The following ABHD12B variants were observed in gnomAD, a reference collection of about 807,000 sequenced individuals.
ABHD12B encodes the protein protein ABHD12B.
Under a neutral mutation model 50.4 loss-of-function variants are expected in ABHD12B, and 42 were observed. That is an observed-to-expected ratio of 0.83 (90% CI 0.65 to 1.08). The LOEUF is 1.08. Among genes scored for constraint, ABHD12B ranks in the 50% least tolerant of loss-of-function variants. The pLI is 0.00. For missense variants in ABHD12B, 479 were observed against 447.7 expected (o/e 1.07, Z -0.63); for synonymous variants, 167 against 160.3 (o/e 1.04, Z -0.32).
At chr14:50,884,702 C>CTTTTTTT (rs35439744) in intron 5 of ABHD12B, among the ~76,000 whole-genome samples, 1 of 126,594 alleles carries the variant, frequency 7.9e-6, no homozygotes, top group African/African-American at 3.0e-5. Flanking sequence ...TGTATTTCTT[C>CTTTTTTT]TTTTTTTTTT....
chr14:50,875,398 C>T (rs2049847591), intron 1 of ABHD12B, among the ~76,000 whole-genome samples: 1 of 152,194 alleles, frequency 6.6e-6, no homozygotes. Context: ...TTTGGGCTTC[C>T]CAAAGTTGGT....
At chr14:50,883,360 C>T (rs79650644) in intron 5 of ABHD12B, among the ~76,000 whole-genome samples, 2 of 152,186 alleles carry the variant, frequency 1.3e-5, no homozygotes, top group African/African-American at 2.4e-5. Context: ...TCTTCATCCT[C>T]TCTTCCCTGT....
intron 9 of ABHD12B, among the ~76,000 whole-genome samples, chr14:50,898,389 T>C (rs765925583): frequency 6.6e-5 from 10 of 152,344 alleles, no homozygotes; most frequent in South Asian, 2.1e-4. Flanking sequence ...GCTTGCTGTC[T>C]AGTTGTTGTT....
rs922288021 is a variant in ABHD12B, at chr14:50,872,283, G to A, written c.104+5G>A. On this transcript the variant is annotated splice_donor_5th_base_variant and intron_variant, in intron 1 of 12. Coordinates refer to ENST00000337334, the MANE Select transcript of ABHD12B (RefSeq NM_001206673.2). ...CATGGTCGACCGCAACCTGCGGTGA[G>A]TACCGCCCGGTCCACCCCTGGCCGG... is the stretch of plus-strand genomic sequence containing the variant. 7.6e-6 allele frequency: 10 copies of A among 1,319,030 alleles called. No individual in the cohort carries two copies. The highest frequency in any genetic ancestry group is 9.7e-6 in the Non-Finnish European group (10 of 1,031,732). 81.7% of individuals were successfully genotyped at this position (1,319,030 alleles called of 1,614,324 possible).
chr14:50,877,553 G>A (rs143811364), intron 1 of ABHD12B, among the ~76,000 whole-genome samples: 5 of 152,252 alleles, frequency 3.3e-5, no homozygotes, highest in African/African-American at 1.2e-4. Context: ...GGCCTGCCGT[G>A]TAGATAATTC....
At chr14:50,898,524 G>C (rs754911901) in intron 9 of ABHD12B, among the ~76,000 whole-genome samples, 6 of 152,204 alleles carry the variant, frequency 3.9e-5, no homozygotes, top group Non-Finnish European at 7.3e-5. Flanking sequence ...AATTAGGAGA[G>C]CCCATTGCCA....
At chr14:50,884,884 T>C (rs972206831) in intron 5 of ABHD12B, among the ~76,000 whole-genome samples, 5 of 152,118 alleles carry the variant, frequency 3.3e-5, no homozygotes, top group Admixed American at 1.3e-4. Flanking sequence ...CCAACAATCA[T>C]TGTATTTCAT....
At chr14:50,894,930 C>A (rs2142760805) in intron 9 of ABHD12B, among the ~76,000 whole-genome samples, 1 of 149,344 alleles carries the variant, frequency 6.7e-6, no homozygotes, top group South Asian at 2.1e-4. Context: ...ATCGCCTCCC[C>A]TCCTCACACC....
At chr14:50,903,535 A>C in intron 11 of ABHD12B, 68 bp downstream of exon 11, 2 of 1,362,930 alleles carry the variant, frequency 1.5e-6, no homozygotes, top group Non-Finnish European at 2.1e-6. Context: ...CATTCAGCCA[A>C]ACTTTGATTA....
chr14:50,881,563 C>CTTTT lies in ABHD12B; in HGVS notation c.456-19_456-16dup, dbSNP rs34965747. The stretch of plus-strand genomic sequence containing the variant: ...TTGTTATCATCGTTCCTAATTCTTG[C>CTTTT]TTTTTTTTTTTTTTTTTAAACTTCC... On this transcript the variant is annotated intron_variant, in intron 4 of 12. Coordinates refer to ENST00000337334, the MANE Select transcript of ABHD12B (RefSeq NM_001206673.2). 975 of 1,409,740 alleles carry CTTTT rather than the reference C, an allele frequency of 6.9e-4. 2 individuals are homozygous for CTTTT. The highest frequency in any genetic ancestry group is 1.4e-3 in the South Asian group (106 of 74,522). The allele number at this position is 1,409,740 out of a possible 1,614,324, so 87.3% of individuals were successfully genotyped here. A position where few individuals can be genotyped will look rare whatever the true frequency, so the allele number is the denominator to read the frequency against.
chr14:50,903,656 T>C (rs1320847167), intron 11 of ABHD12B, among the ~76,000 whole-genome samples, 189 bp downstream of exon 11: 1 of 151,866 alleles, frequency 6.6e-6, no homozygotes, highest in African/African-American at 2.4e-5. Context: ...CTCAAAGGAG[T>C]GTTTGTGGCA....
chr14:50,890,559 A>C (rs1352972982), intron 9 of ABHD12B, among the ~76,000 whole-genome samples: 1 of 152,216 alleles, frequency 6.6e-6, no homozygotes, highest in African/African-American at 2.4e-5. Context: ...TATGAAAGTA[A>C]AATTATATAG....
chr14:50,891,366 C>T (rs2050115401), intron 9 of ABHD12B: 2 of 152,150 alleles, frequency 1.3e-5, no homozygotes. Flanking sequence ...CCTCAGCCTC[C>T]CGAGTAGCTG....
At chr14:50,881,776 C>A in intron 5 of ABHD12B, 150 bp downstream of exon 5, 1 of 858,552 alleles carries the variant, frequency 1.2e-6, no homozygotes, top group Non-Finnish European at 1.9e-6. Flanking sequence ...CAAAGTCCCA[C>A]CGGTGGACTT....
Position 50,904,356 on chromosome 14 carries a change from A to G in ABHD12B, c.1079A>G (p.Gln360Arg). Reference protein sequence around the residue: ...LITVRDFLSKQWS With the variant: ...LITVRDFLSKRWS ...TTCTACAGAGATTTCCTGAGCAAGC[A>G]GTGGTCATGAGTCTGGGAGGAGTGG... Residue 360 changes from glutamine to arginine, a missense_variant, in exon 13 of 13, where the codon CAG (glutamine) becomes CGG (arginine). By Grantham distance (43) the Gln-to-Arg change is conservative (BLOSUM62 1). Coordinates refer to ENST00000337334, the MANE Select transcript of ABHD12B (RefSeq NM_001206673.2). 1 of 1,613,970 alleles carries G rather than the reference A, an allele frequency of 6.2e-7. No individual in the cohort carries two copies. Among genetic ancestry groups the G allele is most frequent in the Non-Finnish European group, 8.5e-7 (1 of 1,179,880 alleles).
chr14:50,894,581 C>CT lies in ABHD12B; in HGVS notation c.780+5678_780+5679insT, dbSNP rs779421497. ...CAATGCCGCTTGACCCCAATACAAA[C>CT]CGACAGTAGTTCCAAATAGCCAGAA... On this transcript the variant is annotated intron_variant, in intron 9 of 12. Transcript: ENST00000337334. Among the ~76,000 whole-genome samples, 38 of 152,240 alleles carry CT rather than the reference C, an allele frequency of 2.5e-4. No individual in the cohort carries two copies. The East Asian group carries it at 6.4e-3, about 25-fold the overall frequency.
At chr14:50,888,102 T>TA (rs1286192991) in intron 8 of ABHD12B, among the ~76,000 whole-genome samples, 1 of 152,146 alleles carries the variant, frequency 6.6e-6, no homozygotes, top group African/African-American at 2.4e-5. Flanking sequence ...TAATTGTTCT[T>TA]AGAGTCAGTG....
chr14:50,891,599 G>T (rs956114864), intron 9 of ABHD12B: 1 of 152,062 alleles, frequency 6.6e-6, no homozygotes, highest in Non-Finnish European at 1.5e-5. Flanking sequence ...TTTTCTTTAT[G>T]GTAACTTTTA....
In ABHD12B at chr14:50,877,866, C is replaced by CA. The variant is rs10672040; in HGVS notation, c.105-77dup. 2.9e-3 allele frequency: 3,465 copies of CA among 1,205,580 alleles called. 34 individuals carry two copies. Among genetic ancestry groups the CA allele is most frequent in the African/African-American group, 0.026 (1,627 of 62,668 alleles). The allele number at this position is 1,205,580 out of a possible 1,614,324, so 74.7% of individuals were successfully genotyped here. ...TGGGCAACAAGAGCAGAACTCTGTC[C>CA]AAAAAAAAACAAAGAAAAAGAAAAA... On this transcript the variant is annotated intron_variant, in intron 1 of 12. Transcript: ENST00000337334.
Sources: allele counts gnomAD v4.1 joint callset (sites outside exome capture counted in the v4.1 genomes callset), GRCh38; gene constraint gnomAD v4.1.1; transcripts MANE v1.5; gene names NCBI Gene and HGNC (gene_info 2026-07-23, HGNC 2026-07-21).